Variants in PCDHA1 observed in about 807,000 individuals in gnomAD.
The protein encoded by PCDHA1 is protocadherin alpha-1.
Under a neutral mutation model 61.3 loss-of-function variants are expected in PCDHA1, and 42 were observed. The ratio of observed to expected loss-of-function variants is 0.69; its 90% CI spans 0.54 to 0.89. The LOEUF is 0.89. Among genes scored for constraint, PCDHA1 ranks in the 40% least tolerant of loss-of-function variants. PCDHA1 has a pLI of 0.00. For missense variants in PCDHA1, 1,256 were observed against 1,235.3 expected (o/e 1.02, Z -0.25); for synonymous variants, 610 against 553.8 (o/e 1.10, Z -1.43).
intron 3 of PCDHA1, among the ~76,000 whole-genome samples, chr5:141,007,033 T>C (rs1357363669): frequency 6.6e-6 from 1 of 152,120 alleles, no homozygotes; most frequent in Non-Finnish European, 1.5e-5. Flanking sequence ...GGTATTTATA[T>C]CTATGGATAT....
intron 1 of PCDHA1, chr5:140,812,638 G>A (rs1554126027): frequency 6.6e-6 from 1 of 151,730 alleles, no homozygotes; most frequent in Non-Finnish European, 1.5e-5. Context: ...TTGTTTTCAT[G>A]TTTAAGAGAC....
chr5:140,841,755 C>G, intron 1 of PCDHA1: 1 of 1,613,886 alleles, frequency 6.2e-7, no homozygotes, highest in African/African-American at 1.3e-5. Context: ...GTTTCAGAAT[C>G]CAGAATGCCA....
chr5:140,933,865 A>G (rs918877939), intron 1 of PCDHA1, among the ~76,000 whole-genome samples: 14 of 151,864 alleles, frequency 9.2e-5, no homozygotes, highest in African/African-American at 1.4e-4. Flanking sequence ...TTTTTCAGAT[A>G]TATGTTAGTT....
intron 1 of PCDHA1, chr5:140,841,176 A>C (rs1194944312): frequency 9.2e-6 from 10 of 1,081,656 alleles, no homozygotes; most frequent in East Asian, 2.6e-5. Flanking sequence ...TGGTTGGTCA[A>C]TGTTCAAAGT....
In PCDHA1 at chr5:140,787,598, G is replaced by A. The variant is rs762403166; in HGVS notation, c.1308G>A (p.Trp436Ter). The A allele has an allele frequency of 1.9e-5, 30 of 1,613,944 alleles. No individual in the cohort carries two copies. Among genetic ancestry groups the A allele is most frequent in the Non-Finnish European group, 2.4e-5 (28 of 1,180,018 alleles). ...TARDGGSPSL[W>*]ATARVSVEVA... is the part of the protein sequence containing the mutation. ...GGGACGGGGGCTCGCCTTCGCTGTG[G>A]GCCACGGCCAGGGTGTCCGTGGAGG... Residue 436 changes from tryptophan to a stop codon, truncating the protein, a stop_gained, in exon 1 of 4, where the codon TGG (tryptophan) becomes TGA (stop). Coordinates refer to ENST00000504120, the MANE Select transcript of PCDHA1 (RefSeq NM_018900.4). LOFTEE classifies it high-confidence loss of function.
intron 1 of PCDHA1, chr5:140,808,477 G>C (rs1764182848): frequency 1.9e-6 from 3 of 1,614,038 alleles, no homozygotes; most frequent in Non-Finnish European, 2.5e-6. Flanking sequence ...CGCGAGACGG[G>C]GGCTCGCCTT....
intron 1 of PCDHA1, chr5:140,866,792 A>T (rs2049578190): frequency 6.6e-6 from 1 of 152,208 alleles, no homozygotes; most frequent in Non-Finnish European, 1.5e-5. Flanking sequence ...CTGATATAGT[A>T]AAAGTCAGGC....
At chr5:140,907,287 G>C (rs1179027055) in intron 1 of PCDHA1, among the ~76,000 whole-genome samples, 1 of 152,178 alleles carries the variant, frequency 6.6e-6, no homozygotes, top group Non-Finnish European at 1.5e-5. Flanking sequence ...TATCAATCCA[G>C]CTGCTTCAGG....
Position 140,787,170 on chromosome 5 carries a change from A to C in PCDHA1, c.880A>C (p.Lys294Gln). The C allele has an allele frequency of 6.2e-7, 1 of 1,613,782 alleles. No homozygotes were observed. Among genetic ancestry groups the C allele is most frequent in the Non-Finnish European group, 8.5e-7 (1 of 1,179,868 alleles). ...TTCTCGTGACATTCAAGAAAAATTCAAAGTTGATTCCAGCTCAGGAGAAAT... is the reference window on the plus strand; with the variant it reads ...TTCTCGTGACATTCAAGAAAAATTCCAAGTTGATTCCAGCTCAGGAGAAAT... Reference protein sequence around the residue: ...GISRDIQEKFKVDSSSGEIRL... With the variant: ...GISRDIQEKFQVDSSSGEIRL... Residue 294 changes from lysine (K) to glutamine (Q), a missense_variant, in exon 1 of 4, where the codon AAA becomes CAA. By Grantham distance (53) the Lys-to-Gln change is moderately conservative. Transcript: ENST00000504120.
At chr5:140,872,797 C>T (rs2153276720) in intron 1 of PCDHA1, among the ~76,000 whole-genome samples, 1 of 152,196 alleles carries the variant, frequency 6.6e-6, no homozygotes, top group South Asian at 2.1e-4. Flanking sequence ...AGTTGGCATT[C>T]TTCCATAAGT....
chr5:140,919,120 C>G (rs1554198933), intron 1 of PCDHA1, among the ~76,000 whole-genome samples: 2 of 152,008 alleles, frequency 1.3e-5, no homozygotes, highest in African/African-American at 4.8e-5. Context: ...CCAGTTTTTG[C>G]TTCATGTGTT....
At position 140,967,566 on chromosome 5, in the gene PCDHA1, G is replaced by T. The variant is rs1586227015; in HGVS notation, c.2395-11383G>T. The stretch of plus-strand genomic sequence containing the variant: ...CAGTCCACTTATCGCGTCCAGCTAC[G>T]GGAGGACTCACCCCCAGGCACATTG... On this transcript the variant is annotated intron_variant, in intron 1 of 3. Coordinates refer to ENST00000504120, the MANE Select transcript of PCDHA1 (RefSeq NM_018900.4). 6 of 1,614,060 alleles carry T rather than the reference G, an allele frequency of 3.7e-6. No homozygotes were observed. In the East Asian group the frequency reaches 1.3e-4, roughly 36 times the overall value.
intron 1 of PCDHA1, chr5:140,871,278 G>A: frequency 6.2e-7 from 1 of 1,613,918 alleles, no homozygotes; most frequent in African/African-American, 1.3e-5. Context: ...GGTCGGCAAC[G>A]CCCACTGAGG....
At position 140,807,679 on chromosome 5, in the gene PCDHA1, G is replaced by A. The variant is rs782215966; in HGVS notation, c.2394+18995G>A. 16 of 1,614,118 alleles carry A rather than the reference G, an allele frequency of 9.9e-6. No individual in the cohort carries two copies. In the Admixed American group the frequency reaches 2.7e-4, roughly 27 times the overall value. ...GCGCCTCGGATGCAGATATCGGGGAGAACGCCCTGCTCACTTACAGACTGA... is the reference window on the plus strand; with the variant it reads ...GCGCCTCGGATGCAGATATCGGGGAAAACGCCCTGCTCACTTACAGACTGA... On this transcript the variant is annotated intron_variant, in intron 1 of 3. Transcript: ENST00000504120.
rs2150370274 is a variant in PCDHA1 at position 140,844,311 on chromosome 5, T to C, written c.2394+55627T>C. Among the ~76,000 whole-genome samples, 61 of 149,790 alleles carry C rather than the reference T, an allele frequency of 4.1e-4. 5 individuals carry two copies. The highest frequency in any genetic ancestry group is 7.6e-4 in the Non-Finnish European group (51 of 66,820). On this transcript the variant is annotated intron_variant, in intron 1 of 3. Transcript: ENST00000504120. ...CAAAATTTGATAGTTTTCATATTCT[T>C]CCTAATTTTATTATAAACTAGTTAA...
At chr5:140,788,804 A>T (rs1761497034) in intron 1 of PCDHA1, 120 bp downstream of exon 1, 5 of 1,431,108 alleles carry the variant, frequency 3.5e-6, no homozygotes, top group Non-Finnish European at 4.6e-6. Context: ...GAAATAAATC[A>T]TACCATTGAA....
At position 140,990,539 on chromosome 5, in the gene PCDHA1, A is replaced by G. The variant is rs2097398985; in HGVS notation, c.2542+7976A>G. ...TGTCTTTTTTGACTGTGCATCATAG[A>G]TACTGTATTACCCAAGAACACACAC... is the stretch of plus-strand genomic sequence containing the variant. On this transcript the variant is annotated intron_variant, in intron 3 of 3. Transcript: ENST00000504120. Among the ~76,000 whole-genome samples the G allele has an allele frequency of 2.6e-5, 4 of 152,262 alleles. No homozygotes were observed. In the South Asian group the frequency reaches 6.2e-4, roughly 24 times the overall value.
intron 1 of PCDHA1, among the ~76,000 whole-genome samples, chr5:140,826,723 G>A (rs1409739091): frequency 1.3e-5 from 2 of 152,174 alleles, no homozygotes; most frequent in African/African-American, 4.8e-5. Context: ...AAGAGGAAGA[G>A]CAAGTGGTCT....
chr5:140,870,852 G>A lies in PCDHA1; in HGVS notation c.2394+82168G>A, dbSNP rs782301779. 4.3e-6 allele frequency: 7 copies of A among 1,613,862 alleles called. No individual in the cohort carries two copies. In the Admixed American group the frequency reaches 1.0e-4, roughly 23 times the overall value. ...CAGTTAACAAGCTAGTACCGCGGTCGGTGGGTGCGGGCCACGTGGTGGCGA... is the reference window on the plus strand; with the variant it reads ...CAGTTAACAAGCTAGTACCGCGGTCAGTGGGTGCGGGCCACGTGGTGGCGA... On this transcript the variant is annotated intron_variant, in intron 1 of 3. Transcript: ENST00000504120.
Sources: gnomAD v4.1 joint callset for allele counts (sites outside exome capture counted in the v4.1 genomes callset) on GRCh38, gnomAD v4.1.1 for gene constraint, MANE v1.5 for transcripts, NCBI Gene and HGNC (gene_info 2026-07-23, HGNC 2026-07-21) for gene names.